The following ASCC3 variants were observed in gnomAD, a reference collection of about 807,000 sequenced individuals.
ASCC3 encodes the protein activating signal cointegrator 1 complex subunit 3, also known as ASC-1 complex subunit P200.
A neutral mutation model predicts 256.3 loss-of-function variants in ASCC3; 158 were observed. That is an observed-to-expected ratio of 0.62 (90% CI 0.54 to 0.70). ASCC3 has a LOEUF of 0.70. Among genes scored for constraint, ASCC3 ranks in the 30% least tolerant of loss-of-function variants. The pLI is 0.00. For synonymous variants in ASCC3, 948 were observed against 883.4 expected (o/e 1.07, Z -1.30); for missense variants, 2,259 against 2,626.0 (o/e 0.86, Z 3.05).
At chr6:100,611,830 A>G (rs967426972) in intron 30 of ASCC3, among the ~76,000 whole-genome samples, 1 of 151,420 alleles carries the variant, frequency 6.6e-6, no homozygotes, top group Non-Finnish European at 1.5e-5. Flanking sequence ...TAGGACATTA[A>G]GGCTTAATTC....
At chr6:100,611,012 G>T (rs1033065628) in intron 30 of ASCC3, among the ~76,000 whole-genome samples, 33 of 152,190 alleles carry the variant, frequency 2.2e-4, no homozygotes, top group African/African-American at 7.5e-4. Context: ...AGTGCCCCGT[G>T]GCAATGCCAA....
intron 8 of ASCC3, among the ~76,000 whole-genome samples, chr6:100,781,333 C>G (rs1782437793): frequency 6.6e-6 from 1 of 152,088 alleles, no homozygotes; most frequent in Non-Finnish European, 1.5e-5. Context: ...GCCTGTAAAA[C>G]ACCAAGTTAG....
In ASCC3 at chr6:100,552,189, C is replaced by T. The variant is rs984870655; in HGVS notation, c.5551-11802G>A. ...ATAATGATAATAATCACATCTGATA[C>T]TCTAAAGGATGTTAACTGAATTTTA... is the stretch of plus-strand genomic sequence containing the variant. On this transcript the variant is annotated intron_variant, in intron 36 of 41. Transcript: ENST00000369162. Among the ~76,000 whole-genome samples the T allele has an allele frequency of 5.9e-5, 9 of 151,732 alleles. No homozygotes were observed. The East Asian group carries it at 1.7e-3, about 29-fold the overall frequency.
intron 14 of ASCC3, among the ~76,000 whole-genome samples, chr6:100,676,175 A>G (rs773516989): frequency 2.0e-5 from 3 of 152,144 alleles, no homozygotes; most frequent in African/African-American, 4.8e-5. Context: ...TCCTTTTGCC[A>G]TTTTAAAATT....
At position 100,606,993 on chromosome 6, in the gene ASCC3, G is replaced by C; in HGVS notation, c.4881C>G (p.Asp1627Glu). 1 of 1,613,518 alleles carries C rather than the reference G, an allele frequency of 6.2e-7. No homozygotes were observed. Among genetic ancestry groups the C allele is most frequent in the Non-Finnish European group, 8.5e-7 (1 of 1,179,760 alleles). ...CAAATAGTTCCTCTACTGTTTTTCGGTCCCTCTCATGTAGTCCAGCATGAT... is the reference window on the plus strand; with the variant it reads ...CAAATAGTTCCTCTACTGTTTTTCGCTCCCTCTCATGTAGTCCAGCATGAT... ...GMHHAGLHER[D>E]RKTVEELFVN... The change falls in exon 31 of 42, where the codon GAC (aspartate) becomes GAG (glutamate). Residue 1627 changes from aspartate to glutamate, a missense_variant. By Grantham distance (45) the Asp-to-Glu change is conservative (BLOSUM62 2). Coordinates refer to ENST00000369162, the MANE Select transcript of ASCC3 (RefSeq NM_006828.4).
At chr6:100,646,383 C>T (rs1346824984) in intron 22 of ASCC3, among the ~76,000 whole-genome samples, 1 of 152,046 alleles carries the variant, frequency 6.6e-6, no homozygotes, top group Non-Finnish European at 1.5e-5. Context: ...AGTCTTGGCT[C>T]ACTGCAAGCT....
intron 10 of ASCC3, among the ~76,000 whole-genome samples, chr6:100,746,263 A>T (rs2115082507): frequency 6.6e-6 from 1 of 151,848 alleles, no homozygotes; most frequent in East Asian, 1.9e-4. Context: ...TATTTTACTT[A>T]TGCCATACTG....
At chr6:100,815,352 T>C (rs1160830766) in intron 4 of ASCC3, among the ~76,000 whole-genome samples, 2 of 152,004 alleles carry the variant, frequency 1.3e-5, no homozygotes, top group Non-Finnish European at 2.9e-5. Flanking sequence ...AAACAATTTA[T>C]AGATTCAATG....
At chr6:100,849,253 T>C (rs1352501965) in intron 3 of ASCC3, among the ~76,000 whole-genome samples, 2 of 152,186 alleles carry the variant, frequency 1.3e-5, no homozygotes, top group Non-Finnish European at 2.9e-5. Flanking sequence ...GTGCAGAAAC[T>C]ACCTAGTAAC....
rs781176397 is a variant in ASCC3, at chr6:100,590,025, C to G, written c.5338G>C (p.Val1780Leu). The G allele has an allele frequency of 1.3e-5, 21 of 1,613,622 alleles. No individual in the cohort carries two copies. Among genetic ancestry groups the G allele is most frequent in the East Asian group, 6.7e-5 (3 of 44,832 alleles). ...YNLGDVSHDS[V>L]NKFLSHLIEK... The stretch of plus-strand genomic sequence containing the variant: ...ATCAGATGGGACAGAAACTTGTTCA[C>G]AGAATCATGGCTCACATCACCCAAA... The change falls in exon 35 of 42, where the codon GTG becomes CTG. Residue 1780 changes from valine (V) to leucine (L), a missense_variant. Coordinates refer to ENST00000369162, the MANE Select transcript of ASCC3 (RefSeq NM_006828.4).
chr6:100,510,688 G>A (rs906447496), intron 40 of ASCC3, among the ~76,000 whole-genome samples: 1 of 152,110 alleles, frequency 6.6e-6, no homozygotes, highest in Non-Finnish European at 1.5e-5. Flanking sequence ...TCTGAGGAAT[G>A]GGCAATTTTA....
At chr6:100,822,347 G>A (rs1177327313) in intron 4 of ASCC3, among the ~76,000 whole-genome samples, 4 of 151,956 alleles carry the variant, frequency 2.6e-5, no homozygotes, top group African/African-American at 7.3e-5. Flanking sequence ...GACCAACCTG[G>A]GCAACAAAGT....
At chr6:100,829,065 A>T (rs1771481814) in intron 4 of ASCC3, among the ~76,000 whole-genome samples, 1 of 152,180 alleles carries the variant, frequency 6.6e-6, no homozygotes, top group Admixed American at 6.5e-5. Flanking sequence ...AGTCCCCACC[A>T]GAGTAGCTAG....
chr6:100,862,998 A>T (rs146565397), intron 3 of ASCC3, among the ~76,000 whole-genome samples: 2,793 of 152,290 alleles, frequency 0.018, 51 homozygotes, highest in South Asian at 0.03. Flanking sequence ...TTGAAGACAG[A>T]CGTGTTTGAC....
At chr6:100,513,001 C>A (rs190740572) in intron 39 of ASCC3, 83 bp from the exon 40 acceptor site, 2 of 1,210,626 alleles carry the variant, frequency 1.7e-6, no homozygotes, top group Non-Finnish European at 2.4e-6. Flanking sequence ...TGCTTTTAGA[C>A]GAAAATTAAC....
chr6:100,560,974 A>G (rs1228945797), intron 36 of ASCC3, among the ~76,000 whole-genome samples: 1 of 152,054 alleles, frequency 6.6e-6, no homozygotes, highest in Non-Finnish European at 1.5e-5. Flanking sequence ...TTAAACTTCT[A>G]GGGTGTGATA....
At chr6:100,572,377 A>G (rs1770636213) in intron 36 of ASCC3, among the ~76,000 whole-genome samples, 1 of 152,108 alleles carries the variant, frequency 6.6e-6, no homozygotes, top group Non-Finnish European at 1.5e-5. Context: ...AGCCTCTAGA[A>G]CTGTGAGAAA....
At chr6:100,535,473 T>TG (rs956852320) in intron 37 of ASCC3, among the ~76,000 whole-genome samples, 1 of 145,550 alleles carries the variant, frequency 6.9e-6, no homozygotes, top group Non-Finnish European at 1.5e-5. Flanking sequence ...CGTGTTTTTT[T>TG]TTTTTTTTTT....
intron 3 of ASCC3, among the ~76,000 whole-genome samples, chr6:100,863,392 G>A (rs1439682381): frequency 6.6e-6 from 1 of 152,138 alleles, no homozygotes; most frequent in Non-Finnish European, 1.5e-5. Flanking sequence ...CTGTGTACTA[G>A]GTGGGCATCT....
Sources: allele counts gnomAD v4.1 joint callset (sites outside exome capture counted in the v4.1 genomes callset), GRCh38; gene constraint gnomAD v4.1.1; transcripts MANE v1.5; gene names NCBI Gene and HGNC (gene_info 2026-07-23, HGNC 2026-07-21).